TENM3: variants seen among roughly 807,000 people sequenced by gnomAD.
The protein encoded by TENM3 is teneurin transmembrane protein 3, also known as teneurin-3.
Under a neutral mutation model 255.1 loss-of-function variants are expected in TENM3, and 63 were observed. The observed-to-expected ratio is 0.25, with a 90% CI of 0.20 to 0.30. The LOEUF (loss-of-function observed/expected upper bound fraction) is 0.30. TENM3 is among the 10% of genes least tolerant of loss of function. The pLI is 1.00. For synonymous variants in TENM3, 1,306 were observed against 1,322.3 expected, an observed-to-expected ratio of 0.99 and a Z score of 0.27; for missense variants, 2,929 against 3,461.1, an observed-to-expected ratio of 0.85 and a Z score of 3.86.
intron 12 of TENM3, among the ~76,000 whole-genome samples, chr4:182,692,774 A>G (rs1393473741): frequency 6.6e-6 from 1 of 152,214 alleles, no homozygotes; most frequent in Non-Finnish European, 1.5e-5. Flanking sequence ...GTTTAATACT[A>G]TGATTACTTA....
chr4:181,614,868 G>A, the TENM3 span, among the ~76,000 whole-genome samples: 1 of 152,344 alleles, frequency 6.6e-6, no homozygotes, highest in East Asian at 1.9e-4. Flanking sequence ...GATGATGGAG[G>A]TAAAAGAGAA....
At chr4:182,757,182 G>C (rs937064371) in intron 22 of TENM3, among the ~76,000 whole-genome samples, 15 of 151,984 alleles carry the variant, frequency 9.9e-5, no homozygotes, top group African/African-American at 3.6e-4. Context: ...CGTGGTGGCA[G>C]GTGCCTATAG....
chr4:182,688,068 T>C, intron 11 of TENM3, 98 bp from the exon 12 acceptor site: 1 of 1,210,058 alleles, frequency 8.3e-7, no homozygotes, highest in South Asian at 1.6e-5. Flanking sequence ...GTGTTTCCCT[T>C]GAACAAATTT....
At chr4:181,824,022 C>T in the TENM3 span, among the ~76,000 whole-genome samples, 2 of 152,138 alleles carry the variant, frequency 1.3e-5, no homozygotes, top group African/African-American at 4.8e-5. Context: ...TATATGAAGA[C>T]ACTTACAGTT....
chr4:182,754,884 A>T lies in TENM3; in HGVS notation c.4517A>T (p.Asn1506Ile). The change falls in exon 22 of 28, where the codon AAC becomes ATC. Residue 1506 changes from asparagine to isoleucine, a missense_variant. By Grantham distance (149) the Asn-to-Ile change is moderately radical. This residue lies in a region of TENM3 where 1,608 missense variants were observed against 1,884.4 expected (regional missense o/e 0.85). Coordinates refer to ENST00000511685, the MANE Select transcript of TENM3 (RefSeq NM_001080477.4). The surrounding 1 kb of genome is among the most constrained non-coding windows in gnomAD (Gnocchi z 5.1). Reference sequence around the variant, plus strand: ...GTGTCAAAGAATAAGCCTTTACTTAACTCTATGAACTTCTATGAAGTTGCG... The same window carrying T: ...GTGTCAAAGAATAAGCCTTTACTTATCTCTATGAACTTCTATGAAGTTGCG... ...RAVSKNKPLLNSMNFYEVASP... is the reference protein window; with the variant it reads ...RAVSKNKPLLISMNFYEVASP... The T allele has an allele frequency of 1.2e-6, 2 of 1,613,968 alleles. No individual in the cohort carries two copies. The highest frequency in any genetic ancestry group is 2.2e-5 in the East Asian group (1 of 44,876).
chr4:181,502,793 C>G, the TENM3 span, among the ~76,000 whole-genome samples: 1 of 152,166 alleles, frequency 6.6e-6, no homozygotes, highest in Admixed American at 6.5e-5. Flanking sequence ...TCAGTTCCTA[C>G]AGAAACCCTC....
At chr4:182,384,309 C>T (rs1767758402) in intron 3 of TENM3, among the ~76,000 whole-genome samples, 2 of 63,556 alleles carry the variant, frequency 3.1e-5, no homozygotes, top group Non-Finnish European at 6.4e-5. Flanking sequence ...TGCTGTGGTT[C>T]AGTTTTTTTT....
intron 3 of TENM3, among the ~76,000 whole-genome samples, chr4:182,467,150 T>C (rs1287501931): frequency 1.3e-5 from 2 of 152,190 alleles, no homozygotes; most frequent in African/African-American, 4.8e-5. Flanking sequence ...GTTGTGGCAC[T>C]CAAAATGTAG....
the TENM3 span, among the ~76,000 whole-genome samples, chr4:182,039,754 G>A: frequency 2.6e-5 from 4 of 151,598 alleles, no homozygotes; most frequent in African/African-American, 4.9e-5. Flanking sequence ...CTTTATCTTA[G>A]AGCCACTTTC....
intron 12 of TENM3, among the ~76,000 whole-genome samples, chr4:182,690,559 G>T (rs1328462680): frequency 6.6e-6 from 1 of 152,152 alleles, no homozygotes; most frequent in African/African-American, 2.4e-5. Flanking sequence ...GTTGAGTCTA[G>T]CTGAGGGAGA....
chr4:181,938,885 C>A, the TENM3 span, among the ~76,000 whole-genome samples: 1 of 152,146 alleles, frequency 6.6e-6, no homozygotes, highest in African/African-American at 2.4e-5. Flanking sequence ...TGTGAAAGGG[C>A]TTTTGGAAAA....
At chr4:182,571,138 C>G (rs894131693) in intron 3 of TENM3, among the ~76,000 whole-genome samples, 8 of 152,186 alleles carry the variant, frequency 5.3e-5, no homozygotes, top group Admixed American at 5.2e-4. Flanking sequence ...AACTATTGTG[C>G]TTACTGTCTT....
chr4:181,898,263 C>T, the TENM3 span, among the ~76,000 whole-genome samples: 1 of 149,030 alleles, frequency 6.7e-6, no homozygotes, highest in Non-Finnish European at 1.5e-5. Context: ...TCTGCAGCTA[C>T]ACACACACAC....
intron 1 of TENM3, among the ~76,000 whole-genome samples, chr4:182,254,803 C>T (rs1273253990): frequency 2.0e-5 from 3 of 152,036 alleles, no homozygotes; most frequent in Non-Finnish European, 4.4e-5. Flanking sequence ...GAAAACAATA[C>T]AATCAACAGT....
the TENM3 span, among the ~76,000 whole-genome samples, chr4:181,730,084 C>A: frequency 6.6e-6 from 1 of 152,098 alleles, no homozygotes; most frequent in Non-Finnish European, 1.5e-5. Context: ...CCTCGCAGGG[C>A]TCGTATCACA....
chr4:182,748,447 G>T (rs898419827), intron 19 of TENM3, among the ~76,000 whole-genome samples: 1 of 152,034 alleles, frequency 6.6e-6, no homozygotes, highest in South Asian at 2.1e-4. Context: ...TTCACCACTC[G>T]TTGTACCCAC....
the TENM3 span, among the ~76,000 whole-genome samples, chr4:181,770,614 T>G: frequency 5.3e-5 from 8 of 149,652 alleles, no homozygotes; most frequent in Admixed American, 5.4e-4. Context: ...GGTGGAGCTT[T>G]CAGTGAGCCA....
At position 182,754,676 on chromosome 4, in the gene TENM3, G is replaced by C. The variant is rs1762602862; in HGVS notation, c.4309G>C (p.Glu1437Gln). 2 of 1,614,052 alleles carry C rather than the reference G, an allele frequency of 1.2e-6. No individual in the cohort carries two copies. The highest frequency in any genetic ancestry group is 1.7e-6 in the Non-Finnish European group (2 of 1,179,898). ...GATAAGGCAGGTCACAACAGATGGA[G>C]AAATCTCCTTAGTGGCCGGAATACC... Reference protein sequence around the residue: ...NRIRQVTTDGEISLVAGIPSE... With the variant: ...NRIRQVTTDGQISLVAGIPSE... The change falls in exon 22 of 28, where the codon GAA becomes CAA. Residue 1437 changes from glutamate to glutamine, a missense_variant. By Grantham distance (29) the Glu-to-Gln change is conservative. Transcript: ENST00000511685. This position sits in a 1 kb window ranked among gnomAD's most constrained non-coding sequence, Gnocchi z 5.1.
intron 27 of TENM3, among the ~76,000 whole-genome samples, chr4:182,797,742 G>A (rs1188598895): frequency 6.6e-6 from 1 of 152,088 alleles, no homozygotes; most frequent in East Asian, 1.9e-4. Flanking sequence ...GAGAAACTGG[G>A]TGACTCCATG....
Sources: gnomAD v4.1 joint callset for allele counts (sites outside exome capture counted in the v4.1 genomes callset) on GRCh38, gnomAD v4.1.1 for gene constraint, gnomAD v4.1.1 regional missense constraint, Gnocchi (gnomAD v3.1) non-coding constraint, MANE v1.5 for transcripts, NCBI Gene and HGNC (gene_info 2026-07-23, HGNC 2026-07-21) for gene names.